TRIM58: variants seen among roughly 807,000 people sequenced by gnomAD.
TRIM58 encodes E3 ubiquitin-protein ligase TRIM58.
TRIM58 carries 38 observed loss-of-function variants against 34.1 expected under a neutral mutation model. The ratio of observed to expected loss-of-function variants is 1.12; its 90% CI spans 0.86 to 1.46. TRIM58 has a LOEUF of 1.46. Among genes scored for constraint, TRIM58 ranks in the 40% most tolerant of loss-of-function variants. The probability of loss-of-function intolerance (pLI) is 0.00; values close to 1 mark genes in which losing one functional copy is unlikely to be tolerated. For missense variants in TRIM58, 677 were observed against 642.0 expected (o/e 1.05, Z -0.59); for synonymous variants, 273 against 275.7 (o/e 0.99, Z 0.10).
chr1:247,871,588 G>A (rs373034276), intron 5 of TRIM58, among the ~76,000 whole-genome samples: 18 of 152,146 alleles, frequency 1.2e-4, no homozygotes, highest in African/African-American at 4.3e-4. Context: ...TAGTACCCAC[G>A]TTCTCCTGGG....
In TRIM58 at chr1:247,878,718, C is replaced by G. The variant is rs1270871037; in HGVS notation, c.*2229C>G. 6.6e-6 allele frequency among the ~76,000 whole-genome samples: 1 copy of G among 152,212 alleles called. No homozygotes were observed. Among genetic ancestry groups the G allele is most frequent in the South Asian group, 2.1e-4 (1 of 4,832 alleles). On this transcript the variant is annotated 3_prime_UTR_variant, in exon 6 of 6. Transcript: ENST00000366481. ...GAGGGAGAACACCTCCACATGTCTT[C>G]TACTCTCTCCATAGGATGGAATGAG...
In TRIM58 at chr1:247,876,067, T is replaced by C. The variant is rs1219728904; in HGVS notation, c.1039T>C (p.Tyr347His). The C allele has an allele frequency of 6.2e-7, 1 of 1,614,176 alleles. No homozygotes were observed. The highest frequency in any genetic ancestry group is 1.7e-5 in the Admixed American group (1 of 60,020). ...GLQSFSSGRHYWEVLVGEGAE... is the reference protein window; with the variant it reads ...GLQSFSSGRHHWEVLVGEGAE... ...GCAGAGCTTCTCATCAGGGAGGCAT[T>C]ACTGGGAGGTTCTGGTGGGAGAAGG... The change falls in exon 6 of 6, where the codon TAC (tyrosine) becomes CAC (histidine). Residue 347 changes from tyrosine to histidine, a missense_variant. Tyr to His is a moderately conservative substitution (Grantham distance 83, BLOSUM62 2). Transcript: ENST00000366481.
At chr1:247,874,620 T>C (rs749827395) in intron 5 of TRIM58, among the ~76,000 whole-genome samples, 3 of 152,234 alleles carry the variant, frequency 2.0e-5, no homozygotes, top group Non-Finnish European at 2.9e-5. Context: ...TTATTATGTA[T>C]ATGGGTCAAA....
At position 247,879,798 on chromosome 1, in the gene TRIM58, C is replaced by A. The variant is rs1233039869; in HGVS notation, c.*3309C>A. Among the ~76,000 whole-genome samples, 1 of 151,524 alleles carries A rather than the reference C, an allele frequency of 6.6e-6. No individual in the cohort carries two copies. On this transcript the variant is annotated 3_prime_UTR_variant, in exon 6 of 6. Coordinates refer to ENST00000366481, the MANE Select transcript of TRIM58 (RefSeq NM_015431.4). ...CCCTTGACTCATTATTCCCTTTCTT[C>A]CTTAACTCTTCTGAGATCCAGCTTC...
In TRIM58 at chr1:247,876,728, C is replaced by G. The variant is rs190286751; in HGVS notation, c.*239C>G. On this transcript the variant is annotated 3_prime_UTR_variant, in exon 6 of 6. Coordinates refer to ENST00000366481, the MANE Select transcript of TRIM58 (RefSeq NM_015431.4). ...AACCTCTATTTCTAGATCACATTTT[C>G]TTGATGTCTTCCTTCAAATTAATGA... 6.1e-6 allele frequency: 3 copies of G among 489,476 alleles called. No individual in the cohort carries two copies. The Admixed American group carries it at 1.1e-4, about 19-fold the overall frequency. 30.3% of individuals were successfully genotyped at this position (489,476 alleles called of 1,614,324 possible).
chr1:247,862,154 A>G (rs894772903), intron 2 of TRIM58, among the ~76,000 whole-genome samples: 4 of 152,178 alleles, frequency 2.6e-5, no homozygotes, highest in Non-Finnish European at 2.9e-5. Context: ...AAAAGAAAAG[A>G]AAAATGTACA....
intron 5 of TRIM58, among the ~76,000 whole-genome samples, chr1:247,875,681 G>T (rs1289017983): frequency 6.6e-6 from 1 of 151,914 alleles, no homozygotes; most frequent in Non-Finnish European, 1.5e-5. Flanking sequence ...TCTGGGTTAC[G>T]CAGAGGTAAC....
rs1663765657 is a variant in TRIM58 at position 247,860,603 on chromosome 1, A to G, written c.421-14A>G. On this transcript the variant is annotated splice_polypyrimidine_tract_variant and intron_variant, in intron 1 of 5. Transcript: ENST00000366481. ...ATTGAGGGCATCTGTAACAGCTGAA[A>G]TGTTCCCAAACAGGTAAAGCTCCAG... The G allele has an allele frequency of 1.9e-6, 3 of 1,604,530 alleles. No homozygotes were observed. The highest frequency in any genetic ancestry group is 2.6e-6 in the Non-Finnish European group (3 of 1,172,228).
chr1:247,860,587 A>G, intron 1 of TRIM58, 30 bp from the exon 2 acceptor site: 1 of 1,538,410 alleles, frequency 6.5e-7, no homozygotes, highest in Non-Finnish European at 9.0e-7. Flanking sequence ...GATTGAGGGC[A>G]TCTGTAACAG....
rs1659376495 is a variant in TRIM58, at chr1:247,880,122, C to G, written c.*3633C>G. On this transcript the variant is annotated 3_prime_UTR_variant, in exon 6 of 6. Coordinates refer to ENST00000366481, the MANE Select transcript of TRIM58 (RefSeq NM_015431.4). ...ATTTGTTGAATGAATAAATGATTGA[C>G]TATGTGGAGAGCAAAATTGATGGAC... 6.6e-6 allele frequency among the ~76,000 whole-genome samples: 1 copy of G among 152,030 alleles called. No individual in the cohort carries two copies. Among genetic ancestry groups the G allele is most frequent in the Non-Finnish European group, 1.5e-5 (1 of 68,004 alleles).
chr1:247,876,485 T>G lies in TRIM58; in HGVS notation c.1457T>G (p.Leu486Arg), dbSNP rs1330669751. 1 of 1,611,826 alleles carries G rather than the reference T, an allele frequency of 6.2e-7. No homozygotes were observed. Among genetic ancestry groups the G allele is most frequent in the South Asian group, 1.1e-5 (1 of 90,916 alleles). ...DPASDVRDDH[L>R] Reference sequence around the variant, plus strand: ...GCTTCTGATGTAAGAGATGATCATCTCTAAAATTCTGTTCCCAAGATGCAG... The same window carrying G: ...GCTTCTGATGTAAGAGATGATCATCGCTAAAATTCTGTTCCCAAGATGCAG... Residue 486 changes from leucine to arginine, a missense_variant, in exon 6 of 6, where the codon CTC (leucine) becomes CGC (arginine). Transcript: ENST00000366481.
At chr1:247,873,358 G>C (rs999342138) in intron 5 of TRIM58, among the ~76,000 whole-genome samples, 50 of 152,100 alleles carry the variant, frequency 3.3e-4, no homozygotes, top group Non-Finnish European at 7.2e-4. Flanking sequence ...GAAGGGGTAG[G>C]GAGAGGAATG....
chr1:247,865,454 G>T (rs926992177), intron 3 of TRIM58, among the ~76,000 whole-genome samples: 1 of 152,216 alleles, frequency 6.6e-6, no homozygotes, highest in Non-Finnish European at 1.5e-5. Context: ...AGCACAGAAA[G>T]TCTGCATAAT....
chr1:247,861,218 C>T (rs1321068090), intron 2 of TRIM58, among the ~76,000 whole-genome samples: 4 of 152,034 alleles, frequency 2.6e-5, no homozygotes, highest in Non-Finnish European at 4.4e-5. Flanking sequence ...CATTCATGCA[C>T]ATGTGCGTGC....
rs386370399 is a variant in TRIM58 at position 247,858,752 on chromosome 1, C to CTTTTT, written c.420+1108_420+1112dup. On this transcript the variant is annotated intron_variant, in intron 1 of 5. Coordinates refer to ENST00000366481, the MANE Select transcript of TRIM58 (RefSeq NM_015431.4). Reference sequence around the variant, plus strand: ...AGTCCAGAAAGAGGATTGGTAGTAACTTTTTTTTTTTTTTTTTTTTTTTTT... The same window carrying CTTTTT: ...AGTCCAGAAAGAGGATTGGTAGTAACTTTTTTTTTTTTTTTTTTTTTTTTTTTTTT... 4.6e-4 allele frequency among the ~76,000 whole-genome samples: 40 copies of CTTTTT among 87,876 alleles called. 6 individuals are homozygous for CTTTTT. Among genetic ancestry groups the CTTTTT allele is most frequent in the East Asian group, 3.9e-3 (8 of 2,026 alleles). 57.7% of individuals were successfully genotyped at this position (87,876 alleles called of 152,430 possible). A position where few individuals can be genotyped will look rare whatever the true frequency, so the allele number is the denominator to read the frequency against.
chr1:247,857,403 G>C lies in TRIM58; in HGVS notation c.157G>C (p.Gly53Arg), dbSNP rs923257851. Reference protein sequence around the residue: ...FCEKSDGAQGGVYACPQCRGP... With the variant: ...FCEKSDGAQGRVYACPQCRGP... ...CGAGAAGTCGGACGGCGCGCAGGGC[G>C]GCGTCTACGCCTGTCCGCAGTGCCG... The change falls in exon 1 of 6, where the codon GGC (glycine) becomes CGC (arginine). Residue 53 changes from glycine to arginine, a missense_variant. By Grantham distance (125) the Gly-to-Arg change is moderately radical. Transcript: ENST00000366481. 1 of 1,522,138 alleles carries C rather than the reference G, an allele frequency of 6.6e-7. No individual in the cohort carries two copies. Among genetic ancestry groups the C allele is most frequent in the African/African-American group, 1.4e-5 (1 of 70,086 alleles). The allele number at this position is 1,522,138 out of a possible 1,614,324, so 94.3% of individuals were successfully genotyped here. A position where few individuals can be genotyped will look rare whatever the true frequency, so the allele number is the denominator to read the frequency against.
intron 2 of TRIM58, among the ~76,000 whole-genome samples, chr1:247,863,679 T>C (rs2103324696): frequency 6.6e-6 from 1 of 152,298 alleles, no homozygotes; most frequent in Admixed American, 6.5e-5. Context: ...ATGGGAGGTA[T>C]AGATACTTTG....
intron 1 of TRIM58, among the ~76,000 whole-genome samples, chr1:247,858,368 G>A (rs1663690666): frequency 1.3e-5 from 2 of 152,170 alleles, no homozygotes; most frequent in South Asian, 2.1e-4. Context: ...CTGTGAAATT[G>A]TGTGTCGATT....
intron 5 of TRIM58, among the ~76,000 whole-genome samples, chr1:247,873,872 CAG>C (rs1270650335): frequency 1.3e-5 from 2 of 151,978 alleles, no homozygotes; most frequent in Non-Finnish European, 2.9e-5. Flanking sequence ...GGGCTGAGGT[CAG>C]GGGATGGCTT....
Sources: allele counts gnomAD v4.1 joint callset (sites outside exome capture counted in the v4.1 genomes callset), GRCh38; gene constraint gnomAD v4.1.1; transcripts MANE v1.5; gene names NCBI Gene and HGNC (gene_info 2026-07-23, HGNC 2026-07-21).